TBC1D32: variants seen among roughly 807,000 people sequenced by gnomAD.
The protein encoded by TBC1D32 is protein broad-minded.
Under a neutral mutation model 170.3 loss-of-function variants are expected in TBC1D32, and 151 were observed. The observed-to-expected ratio is 0.89, with a 90% CI of 0.78 to 1.01. TBC1D32 has a LOEUF of 1.01. TBC1D32 is among the 50% of genes least tolerant of loss of function. TBC1D32 has a pLI of 0.00. For synonymous variants in TBC1D32, 498 were observed against 488.0 expected, an observed-to-expected ratio of 1.02 and a Z score of -0.27; for missense variants, 1,464 against 1,457.1, an observed-to-expected ratio of 1.00 and a Z score of -0.08.
At chr6:121,307,725 T>G (rs1209073349) in intron 5 of TBC1D32, among the ~76,000 whole-genome samples, 1 of 151,858 alleles carries the variant, frequency 6.6e-6, no homozygotes, top group Admixed American at 6.6e-5. Context: ...CCAGGCTTGG[T>G]GGTGGCATGC....
chr6:121,334,131 C>T, intron 1 of TBC1D32, 145 bp downstream of exon 1: 2 of 636,224 alleles, frequency 3.1e-6, no homozygotes, highest in Non-Finnish European at 5.4e-6. Context: ...TAAATAAATT[C>T]GACGTTTTGG....
At chr6:121,228,618 C>T (rs576668446) in intron 20 of TBC1D32, among the ~76,000 whole-genome samples, 1 of 152,120 alleles carries the variant, frequency 6.6e-6, no homozygotes, top group African/African-American at 2.4e-5. Context: ...GAATGTACTT[C>T]ATATTATTCC....
intron 21 of TBC1D32, 63 bp from the exon 22 acceptor site, chr6:121,205,226 A>G (rs1332866696): frequency 1.3e-6 from 1 of 797,980 alleles, no homozygotes; most frequent in Non-Finnish European, 1.9e-6. Flanking sequence ...AATTAAGTCA[A>G]CAACAATTTA....
At chr6:121,258,311 A>G (rs1025218034) in intron 15 of TBC1D32, among the ~76,000 whole-genome samples, 1 of 152,180 alleles carries the variant, frequency 6.6e-6, no homozygotes, top group African/African-American at 2.4e-5. Context: ...GAAATTTTCA[A>G]TCAAAATTAG....
chr6:121,311,264 T>C (rs1808153456), intron 3 of TBC1D32, among the ~76,000 whole-genome samples: 1 of 152,168 alleles, frequency 6.6e-6, no homozygotes, highest in South Asian at 2.1e-4. Context: ...TCCTATACTT[T>C]TCCTTAGCCT....
intron 25 of TBC1D32, among the ~76,000 whole-genome samples, chr6:121,130,439 AC>A (rs1409112947): frequency 1.3e-5 from 2 of 152,110 alleles, no homozygotes; most frequent in Non-Finnish European, 2.9e-5. Context: ...CCAAGATCGC[AC>A]CATGGCACTC....
rs200703769 is a variant in TBC1D32, at chr6:121,304,423, G to A, written c.877C>T (p.Arg293Cys). Residue 293 changes from arginine (R) to cysteine (C), a missense_variant, in exon 8 of 32, where the codon CGT becomes TGT. Physicochemically the swap from Arg to Cys is radical, Grantham distance 180. This residue lies in a region of TBC1D32 where 1,363 missense variants were observed against 1,338.1 expected (regional missense o/e 1.02). Transcript: ENST00000398212. ...TCTTTCTGATATTCATTTAGAAGACGAACCTACAAAGCAGTGCACAATAGT... is the reference window on the plus strand; with the variant it reads ...TCTTTCTGATATTCATTTAGAAGACAAACCTACAAAGCAGTGCACAATAGT... The part of the protein sequence containing the change: ...PNMTRLLKKV[R>C]LLNEYQKEAP... 4.1e-4 allele frequency: 662 copies of A among 1,612,872 alleles called. No individual in the cohort carries two copies. Among genetic ancestry groups the A allele is most frequent in the Admixed American group, 7.5e-4 (45 of 59,860 alleles).
intron 24 of TBC1D32, among the ~76,000 whole-genome samples, chr6:121,138,434 C>T (rs1018857539): frequency 1.3e-5 from 2 of 152,100 alleles, no homozygotes; most frequent in Admixed American, 6.5e-5. Flanking sequence ...ATAGATATGA[C>T]AGTAAAAATA....
chr6:121,158,116 C>T (rs1785143816), intron 24 of TBC1D32, among the ~76,000 whole-genome samples: 1 of 152,116 alleles, frequency 6.6e-6, no homozygotes. Flanking sequence ...TCTCTCCTTC[C>T]CTCTCAAGAA....
chr6:121,241,714 T>C (rs1329688099), intron 18 of TBC1D32, among the ~76,000 whole-genome samples, 162 bp from the exon 19 acceptor site: 2 of 152,174 alleles, frequency 1.3e-5, no homozygotes, highest in Non-Finnish European at 2.9e-5. Context: ...ATATTTAGTA[T>C]GACAGAAAAA....
intron 3 of TBC1D32, among the ~76,000 whole-genome samples, chr6:121,315,141 T>A (rs1469577168): frequency 6.6e-6 from 1 of 152,182 alleles, no homozygotes; most frequent in Non-Finnish European, 1.5e-5. Flanking sequence ...AATAACTCGC[T>A]TTGCAGGGAG....
intron 21 of TBC1D32, among the ~76,000 whole-genome samples, chr6:121,211,457 T>G (rs780890097): frequency 6.6e-6 from 1 of 152,206 alleles, no homozygotes; most frequent in Non-Finnish European, 1.5e-5. Context: ...CTTTTATCCC[T>G]CACCCCTCTC....
chr6:121,202,396 T>C (rs1791704212), intron 22 of TBC1D32, among the ~76,000 whole-genome samples: 1 of 148,946 alleles, frequency 6.7e-6, no homozygotes, highest in African/African-American at 2.5e-5. Flanking sequence ...CTATATCAAA[T>C]GCTACTGACA....
chr6:121,332,177 A>G (rs1811306773), intron 1 of TBC1D32, among the ~76,000 whole-genome samples: 2 of 152,198 alleles, frequency 1.3e-5, no homozygotes, highest in African/African-American at 4.8e-5. Context: ...TTTTAAATTG[A>G]TACAGATAAA....
chr6:121,214,466 A>G (rs1417639177), intron 21 of TBC1D32, among the ~76,000 whole-genome samples: 1 of 152,192 alleles, frequency 6.6e-6, no homozygotes, highest in African/African-American at 2.4e-5. Context: ...GCCACTGCTC[A>G]AAACCAGGCA....
At chr6:121,133,454 T>C (rs75141910) in intron 24 of TBC1D32, among the ~76,000 whole-genome samples, 2,115 of 152,142 alleles carry the variant, frequency 0.014, 45 homozygotes, top group African/African-American at 0.047. Flanking sequence ...TGCATGTATA[T>C]GTGTGTATAT....
At chr6:121,259,710 GA>G (rs1302035869) in intron 15 of TBC1D32, among the ~76,000 whole-genome samples, 1 of 152,128 alleles carries the variant, frequency 6.6e-6, no homozygotes, top group Non-Finnish European at 1.5e-5. Context: ...GCCACAATGT[GA>G]AAAACAGAAT....
chr6:121,193,132 G>T (rs1338466541), intron 22 of TBC1D32, among the ~76,000 whole-genome samples: 1 of 152,176 alleles, frequency 6.6e-6, no homozygotes, highest in African/African-American at 2.4e-5. Flanking sequence ...GGAAAATGGT[G>T]GGAGGAACAT....
intron 5 of TBC1D32, 100 bp from the exon 6 acceptor site, chr6:121,304,933 T>C (rs4412244): frequency 0.78 from 603,267 of 778,398 alleles, 245,494 homozygotes; most frequent in Non-Finnish European, 0.85. Context: ...ATAAAATAAA[T>C]ACAAATAAAC....
Sources: gnomAD v4.1 joint callset for allele counts (sites outside exome capture counted in the v4.1 genomes callset) on GRCh38, gnomAD v4.1.1 for gene constraint, gnomAD v4.1.1 regional missense constraint, MANE v1.5 for transcripts, NCBI Gene and HGNC (gene_info 2026-07-23, HGNC 2026-07-21) for gene names.